UBE2G1: variants seen among roughly 807,000 people sequenced by gnomAD.
The protein encoded by UBE2G1 is ubiquitin conjugating enzyme E2 G1, also known as ubiquitin-conjugating enzyme E2 G1.
UBE2G1 carries 5 observed loss-of-function variants against 22.7 expected under a neutral mutation model. The observed-to-expected ratio is 0.22, with a 90% confidence interval of 0.12 to 0.46. The LOEUF (loss-of-function observed/expected upper bound fraction) is 0.46, where lower values mean the gene tolerates loss of function less well. Among genes scored for constraint, UBE2G1 ranks in the 20% least tolerant of loss-of-function variants. The probability of loss-of-function intolerance (pLI) is 0.99; values close to 1 mark genes in which losing one functional copy is unlikely to be tolerated. For missense variants in UBE2G1, 88 were observed against 203.9 expected (o/e 0.43, Z 3.46); for synonymous variants, 74 against 67.5 (o/e 1.10, Z -0.47).
At position 4,319,846 on chromosome 17, in the gene UBE2G1, G is replaced by A. The variant is rs185510706; in HGVS notation, c.47-12723C>T. On this transcript the variant is annotated intron_variant, in intron 1 of 5. Coordinates refer to ENST00000396981, the MANE Select transcript of UBE2G1 (RefSeq NM_003342.5). ...TGGTACTTTTTGAATTAAATGCTGC[G>A]AAATCAATCAAAATAAAGAATTCAG... Among the ~76,000 whole-genome samples the A allele has an allele frequency of 4.8e-4, 73 of 152,132 alleles. 1 individual carries two copies. The highest frequency in any genetic ancestry group is 1.2e-3 in the South Asian group (6 of 4,822).
At chr17:4,285,098 C>T (rs1968947026) in intron 4 of UBE2G1, among the ~76,000 whole-genome samples, 1 of 152,148 alleles carries the variant, frequency 6.6e-6, no homozygotes, top group African/African-American at 2.4e-5. Context: ...CCTGCCTCGG[C>T]CTCCCAAAGT....
intron 2 of UBE2G1, among the ~76,000 whole-genome samples, chr17:4,306,810 C>T (rs987627837): frequency 2.6e-5 from 4 of 152,108 alleles, no homozygotes; most frequent in African/African-American, 9.7e-5. Context: ...TGCCACCACA[C>T]CCAGCTAATT....
chr17:4,294,028 T>A (rs1417196800), intron 3 of UBE2G1, among the ~76,000 whole-genome samples: 1 of 152,214 alleles, frequency 6.6e-6, no homozygotes, highest in African/African-American at 2.4e-5. Context: ...TTTCTCTTTT[T>A]GTCATGACAA....
At chr17:4,334,327 A>G (rs890442721) in intron 1 of UBE2G1, among the ~76,000 whole-genome samples, 1 of 152,214 alleles carries the variant, frequency 6.6e-6, no homozygotes, top group Non-Finnish European at 1.5e-5. Flanking sequence ...ATAAACAAAA[A>G]AACACATGGC....
intron 5 of UBE2G1, among the ~76,000 whole-genome samples, chr17:4,274,398 T>C (rs1053657312): frequency 4.6e-5 from 7 of 151,812 alleles, no homozygotes; most frequent in Non-Finnish European, 7.4e-5. Context: ...GGGGTTTCAC[T>C]GTGTTAGCCA....
At chr17:4,283,846 G>C (rs1968926240) in intron 4 of UBE2G1, among the ~76,000 whole-genome samples, 1 of 152,046 alleles carries the variant, frequency 6.6e-6, no homozygotes, top group African/African-American at 2.4e-5. Flanking sequence ...TCTGAGAAGA[G>C]CCTGAATAAA....
chr17:4,315,286 T>A (rs1256823382), intron 1 of UBE2G1, among the ~76,000 whole-genome samples: 1 of 152,214 alleles, frequency 6.6e-6, no homozygotes, highest in African/African-American at 2.4e-5. Context: ...AAAGATTTTT[T>A]TAATCTAAAA....
Position 4,337,741 on chromosome 17 carries a change from C to A in UBE2G1, c.46+28530G>T, listed in dbSNP as rs369122087. 2.4e-3 allele frequency among the ~76,000 whole-genome samples: 362 copies of A among 151,844 alleles called. 1 individual carries two copies. In the Middle Eastern group the frequency reaches 0.024, roughly 10 times the overall value. On this transcript the variant is annotated intron_variant, in intron 1 of 5. Coordinates refer to ENST00000396981, the MANE Select transcript of UBE2G1 (RefSeq NM_003342.5). ...AGCTATACTCAGAGGAAGAGAGCCA[C>A]AGCCTAAACACCTTCAACTGAGCAA...
chr17:4,332,189 T>C (rs1969586740), intron 1 of UBE2G1, among the ~76,000 whole-genome samples: 1 of 152,182 alleles, frequency 6.6e-6, no homozygotes, highest in African/African-American at 2.4e-5. Flanking sequence ...TTGTGTTCAC[T>C]TTGCTTTCAT....
rs542829284 is a variant in UBE2G1, at chr17:4,295,298, TTTC to T, written c.247+1416_247+1418del. ...TTCTGCCATCAACTGTTAGAGATAT[TTTC>T]CTCTTCTTACTGGTAGGAAAAATCA... On this transcript the variant is annotated intron_variant, in intron 3 of 5. Coordinates refer to ENST00000396981, the MANE Select transcript of UBE2G1 (RefSeq NM_003342.5). Among the ~76,000 whole-genome samples, 59 of 152,296 alleles carry T rather than the reference TTTC, an allele frequency of 3.9e-4. 1 individual carries two copies. The highest frequency in any genetic ancestry group is 1.4e-3 in the African/African-American group (58 of 41,564).
intron 1 of UBE2G1, among the ~76,000 whole-genome samples, chr17:4,348,362 G>C (rs1239138868): frequency 1.3e-5 from 2 of 150,646 alleles, no homozygotes; most frequent in Non-Finnish European, 3.0e-5. Context: ...GACCATCCCG[G>C]CTAAAACGGT....
chr17:4,306,932 G>A (rs1404496846), intron 2 of UBE2G1, 89 bp downstream of exon 2: 17 of 1,199,920 alleles, frequency 1.4e-5, no homozygotes, highest in South Asian at 1.2e-4. Flanking sequence ...TTACAGGTGT[G>A]AGCCACCGTG....
At chr17:4,285,045 T>A (rs1040614183) in intron 4 of UBE2G1, among the ~76,000 whole-genome samples, 1 of 152,026 alleles carries the variant, frequency 6.6e-6, no homozygotes, top group Non-Finnish European at 1.5e-5. Flanking sequence ...GGTTTTACCA[T>A]GTCGCCTAGG....
chr17:4,349,018 C>A (rs1010278523), intron 1 of UBE2G1, among the ~76,000 whole-genome samples: 7 of 152,094 alleles, frequency 4.6e-5, no homozygotes, highest in Non-Finnish European at 1.0e-4. Context: ...GAAACCCAGT[C>A]TCTACTAAGA....
At chr17:4,301,552 A>G in intron 2 of UBE2G1, 1 of 1,331,578 alleles carries the variant, frequency 7.5e-7, no homozygotes, top group Non-Finnish European at 1.1e-6. Context: ...TATGCCTGGT[A>G]TTCTTGGCCC....
At chr17:4,281,199 C>G (rs531480492) in intron 5 of UBE2G1, among the ~76,000 whole-genome samples, 1 of 152,236 alleles carries the variant, frequency 6.6e-6, no homozygotes, top group Admixed American at 6.5e-5. Context: ...GTAATTTACC[C>G]AGTGTAATAG....
At chr17:4,336,392 TTCAAA>T (rs1249595766) in intron 1 of UBE2G1, among the ~76,000 whole-genome samples, 1 of 152,088 alleles carries the variant, frequency 6.6e-6, no homozygotes, top group East Asian at 1.9e-4. Context: ...TCAACACCCT[TTCAAA>T]ACCAGCTGAA....
chr17:4,285,420 A>G (rs931456327), intron 4 of UBE2G1, among the ~76,000 whole-genome samples: 2 of 152,206 alleles, frequency 1.3e-5, no homozygotes, highest in Non-Finnish European at 2.9e-5. Context: ...TCCCTATAAT[A>G]TTAGAAACAA....
chr17:4,348,205 C>CCGA, intron 1 of UBE2G1, among the ~76,000 whole-genome samples: 1 of 151,982 alleles, frequency 6.6e-6, no homozygotes, highest in Non-Finnish European at 1.5e-5. Context: ...CTGCAGTGAG[C>CCGA]TATAACCACA....
Sources: allele counts gnomAD v4.1 joint callset (sites outside exome capture counted in the v4.1 genomes callset), GRCh38; gene constraint gnomAD v4.1.1; transcripts MANE v1.5; gene names NCBI Gene and HGNC (gene_info 2026-07-23, HGNC 2026-07-21).